KCNT2: variants seen among roughly 807,000 people sequenced by gnomAD.
KCNT2 encodes the protein potassium channel subfamily T member 2.
KCNT2 carries 67 observed loss-of-function variants against 153.8 expected under a neutral mutation model. That is an observed-to-expected ratio of 0.44 (90% CI 0.36 to 0.53). The LOEUF (loss-of-function observed/expected upper bound fraction) is 0.53, where lower values mean the gene tolerates loss of function less well. KCNT2 is among the 20% of genes least tolerant of loss of function. KCNT2 has a pLI of 0.00. For missense variants in KCNT2, 975 were observed against 1,354.8 expected, an observed-to-expected ratio of 0.72 and a Z score of 4.40; for synonymous variants, 500 against 458.8, an observed-to-expected ratio of 1.09 and a Z score of -1.15.
chr1:196,537,737 A>C (rs1655774939), intron 1 of KCNT2, among the ~76,000 whole-genome samples: 1 of 152,184 alleles, frequency 6.6e-6, no homozygotes, highest in Non-Finnish European at 1.5e-5. Context: ...CTGTCTCCAC[A>C]AAGTTAAGAG....
intron 5 of KCNT2, among the ~76,000 whole-genome samples, chr1:196,472,262 T>C (rs1678167126): frequency 6.6e-6 from 1 of 152,224 alleles, no homozygotes; most frequent in African/African-American, 2.4e-5. Flanking sequence ...TTTTGGAGCT[T>C]AAATATTTAC....
chr1:196,383,679 G>A, intron 13 of KCNT2, among the ~76,000 whole-genome samples: 1 of 152,278 alleles, frequency 6.6e-6, no homozygotes, highest in South Asian at 2.1e-4. Context: ...CATTTTTACT[G>A]TAACCCTCAG....
intron 25 of KCNT2, among the ~76,000 whole-genome samples, chr1:196,275,690 G>A (rs1658501382): frequency 1.3e-5 from 2 of 151,834 alleles, no homozygotes; most frequent in South Asian, 4.2e-4. Context: ...ACCTGCATCT[G>A]CCTTTAAAAG....
intron 1 of KCNT2, among the ~76,000 whole-genome samples, chr1:196,548,886 T>A (rs1365179549): frequency 6.6e-6 from 1 of 151,968 alleles, no homozygotes. Flanking sequence ...ATCATCATTT[T>A]CAGTAAACTA....
chr1:196,583,179 T>C (rs950827506), intron 1 of KCNT2, among the ~76,000 whole-genome samples: 3 of 152,030 alleles, frequency 2.0e-5, no homozygotes, highest in Non-Finnish European at 4.4e-5. Context: ...ATTAGAAGCG[T>C]AATAATTAAA....
At chr1:196,309,369 A>G (rs80172125) in intron 21 of KCNT2, among the ~76,000 whole-genome samples, 4,095 of 152,120 alleles carry the variant, frequency 0.027, 72 homozygotes, top group Middle Eastern at 0.041. Flanking sequence ...AAATAGAAAT[A>G]TACACATATA....
intron 25 of KCNT2, among the ~76,000 whole-genome samples, chr1:196,271,721 T>C (rs2147831800): frequency 6.6e-6 from 1 of 152,056 alleles, no homozygotes; most frequent in South Asian, 2.1e-4. Flanking sequence ...CTCAGACTCA[T>C]TATGTCTGCG....
At chr1:196,284,103 C>T (rs1659393921) in intron 23 of KCNT2, among the ~76,000 whole-genome samples, 2 of 149,192 alleles carry the variant, frequency 1.3e-5, no homozygotes, top group Admixed American at 1.3e-4. Context: ...TAATGGTGCA[C>T]ACCTGTAATC....
At chr1:196,287,081 A>G (rs552003317) in intron 22 of KCNT2, among the ~76,000 whole-genome samples, 93 of 152,232 alleles carry the variant, frequency 6.1e-4, no homozygotes, top group South Asian at 3.7e-3. Context: ...TGAGATGACT[A>G]TCACTATAAG....
At chr1:196,343,438 A>G (rs1319808785) in intron 14 of KCNT2, among the ~76,000 whole-genome samples, 2 of 152,176 alleles carry the variant, frequency 1.3e-5, no homozygotes, top group Non-Finnish European at 2.9e-5. Flanking sequence ...TAGAAGCAAT[A>G]TGATAAATAT....
chr1:196,325,060 A>G (rs1248624602), intron 19 of KCNT2, among the ~76,000 whole-genome samples: 1 of 152,114 alleles, frequency 6.6e-6, no homozygotes, highest in African/African-American at 2.4e-5. Context: ...AAGGTTACCT[A>G]GCAAGACTGA....
At chr1:196,586,832 TA>T (rs1662749844) in intron 1 of KCNT2, among the ~76,000 whole-genome samples, 1 of 152,152 alleles carries the variant, frequency 6.6e-6, no homozygotes, top group Non-Finnish European at 1.5e-5. Flanking sequence ...ATTTTATTGA[TA>T]AAATGTGTCC....
chr1:196,567,782 G>A (rs1660287643), intron 1 of KCNT2, among the ~76,000 whole-genome samples: 1 of 152,172 alleles, frequency 6.6e-6, no homozygotes, highest in Non-Finnish European at 1.5e-5. Context: ...GTAGGAAATA[G>A]GATATGGAAA....
At chr1:196,587,941 T>G (rs1042731656) in intron 1 of KCNT2, among the ~76,000 whole-genome samples, 1 of 152,058 alleles carries the variant, frequency 6.6e-6, no homozygotes, top group Non-Finnish European at 1.5e-5. Flanking sequence ...TTCATTCATC[T>G]TTTCAAAAAT....
At position 196,282,276 on chromosome 1, in the gene KCNT2, A is replaced by G. The variant is rs1337852732; in HGVS notation, c.2778T>C (p.Cys926=). The part of the protein sequence containing the change: ...LDTTPGSGFL[C]SMKITADDLW... ...ATTCTAGAGATTATTAACTTACAGA[A>G]CAAAGAAACCCAGATCCTGGTGTAG... Residue 926 remains cysteine (C), a synonymous_variant, in exon 24 of 28, where the codon TGT becomes TGC. Coordinates refer to ENST00000294725, the MANE Select transcript of KCNT2 (RefSeq NM_198503.5). 1.3e-6 allele frequency: 2 copies of G among 1,564,500 alleles called. No individual in the cohort carries two copies. The highest frequency in any genetic ancestry group is 8.8e-7 in the Non-Finnish European group (1 of 1,136,244).
At chr1:196,291,199 C>G (rs560143521) in intron 22 of KCNT2, among the ~76,000 whole-genome samples, 2 of 151,760 alleles carry the variant, frequency 1.3e-5, no homozygotes, top group Admixed American at 6.6e-5. Flanking sequence ...CTCTGCAGGT[C>G]CTCCTCATCC....
intron 1 of KCNT2, among the ~76,000 whole-genome samples, chr1:196,505,759 T>C (rs1397152395): frequency 2.6e-5 from 4 of 151,984 alleles, no homozygotes; most frequent in Admixed American, 2.0e-4. Flanking sequence ...TTTTATTTCA[T>C]TGAGCAGTGG....
chr1:196,535,445 A>G (rs78333115), intron 1 of KCNT2, among the ~76,000 whole-genome samples: 3,356 of 152,354 alleles, frequency 0.022, 123 homozygotes, highest in African/African-American at 0.076. Flanking sequence ...ATTAATAATG[A>G]CAATTGAAAA....
At chr1:196,464,963 C>T (rs1677478653) in intron 8 of KCNT2, among the ~76,000 whole-genome samples, 1 of 151,858 alleles carries the variant, frequency 6.6e-6, no homozygotes, top group Non-Finnish European at 1.5e-5. Flanking sequence ...AAGATGAGGG[C>T]ACTTCTGTAA....
Sources: gnomAD v4.1 joint callset for allele counts (sites outside exome capture counted in the v4.1 genomes callset) on GRCh38, gnomAD v4.1.1 for gene constraint, MANE v1.5 for transcripts, NCBI Gene and HGNC (gene_info 2026-07-23, HGNC 2026-07-21) for gene names.